Variants in MCMDC2 observed in about 807,000 individuals in gnomAD.
The protein encoded by MCMDC2 is minichromosome maintenance domain-containing protein 2.
In MCMDC2, 54 loss-of-function variants were observed where a neutral mutation model predicts 75.8. The observed-to-expected ratio is 0.71, with a 90% CI of 0.57 to 0.89. The LOEUF is 0.89. Ranked by LOEUF, MCMDC2 falls within the 40% of genes least tolerant of loss-of-function variation. MCMDC2 has a pLI of 0.00. For synonymous variants in MCMDC2, 249 were observed against 274.6 expected, an observed-to-expected ratio of 0.91 and a Z score of 0.92; for missense variants, 656 against 780.4, an observed-to-expected ratio of 0.84 and a Z score of 1.90.
chr8:66,883,713 G>T lies in MCMDC2; in HGVS notation c.836-44G>T, dbSNP rs1266449324. 2.7e-6 allele frequency: 3 copies of T among 1,108,612 alleles called. No individual in the cohort carries two copies. The African/African-American group carries it at 4.7e-5, about 17-fold the overall frequency. The allele number at this position is 1,108,612 out of a possible 1,614,324, so 68.7% of individuals were successfully genotyped here. A position where few individuals can be genotyped will look rare whatever the true frequency, so the allele number is the denominator to read the frequency against. On this transcript the variant is annotated intron_variant, in intron 8 of 14. Transcript: ENST00000422365. The stretch of plus-strand genomic sequence containing the variant: ...AGTCAAATATCTATAATGTTGTCTT[G>T]TTTTAAAACCCTTTCTAATATATAT...
At chr8:66,893,622 C>G in intron 10 of MCMDC2, among the ~76,000 whole-genome samples, 1 of 152,090 alleles carries the variant, frequency 6.6e-6, no homozygotes, top group East Asian at 1.9e-4. Context: ...GCAGGAAAGA[C>G]CTGCCCCCAT....
At chr8:66,893,614 A>T (rs1812212465) in intron 10 of MCMDC2, among the ~76,000 whole-genome samples, 1 of 152,192 alleles carries the variant, frequency 6.6e-6, no homozygotes, top group African/African-American at 2.4e-5. Flanking sequence ...AGAACAGTGC[A>T]GGAAAGACCT....
At chr8:66,903,377 T>C (rs1264586334) in intron 13 of MCMDC2, among the ~76,000 whole-genome samples, 1 of 152,150 alleles carries the variant, frequency 6.6e-6, no homozygotes, top group Non-Finnish European at 1.5e-5. Flanking sequence ...TTATTTTATA[T>C]TGCAGTTGTA....
At chr8:66,883,655 G>A in intron 8 of MCMDC2, 102 bp from the exon 9 acceptor site, 2 of 667,518 alleles carry the variant, frequency 3.0e-6, no homozygotes, top group Non-Finnish European at 5.1e-6. Flanking sequence ...GGTATTATTG[G>A]AACTATAATT....
Position 66,877,438 on chromosome 8 carries a change from G to C in MCMDC2, c.375G>C (p.Gln125His). The C allele has an allele frequency of 1.2e-6, 2 of 1,612,988 alleles. No individual in the cohort carries two copies. Among genetic ancestry groups the C allele is most frequent in the South Asian group, 2.2e-5 (2 of 90,808 alleles). The change falls in exon 5 of 15, where the codon CAG becomes CAC. Residue 125 changes from glutamine to histidine, a missense_variant. Coordinates refer to ENST00000422365, the MANE Select transcript of MCMDC2 (RefSeq NM_173518.5). ...AGTTTCCACTTGATTATACATCTCA[G>C]AGATTTTATATGATGCAAGGAATTG... ...LCEFPLDYTSQRFYMMQGIVI... is the reference protein window; with the variant it reads ...LCEFPLDYTSHRFYMMQGIVI...
chr8:66,891,113 T>C (rs1056371092), intron 10 of MCMDC2, 43 bp downstream of exon 10: 1 of 1,485,580 alleles, frequency 6.7e-7, no homozygotes, highest in Non-Finnish European at 9.2e-7. Context: ...GTTTAACCTA[T>C]ACTCTCATCC....
At chr8:66,875,906 C>T (rs1036967942) in intron 4 of MCMDC2, among the ~76,000 whole-genome samples, 6 of 152,142 alleles carry the variant, frequency 3.9e-5, no homozygotes, top group African/African-American at 1.4e-4. Flanking sequence ...TCTTATTTCC[C>T]AACCTCATAT....
intron 14 of MCMDC2, among the ~76,000 whole-genome samples, chr8:66,909,799 A>T (rs1288049323): frequency 6.6e-6 from 1 of 152,262 alleles, no homozygotes; most frequent in African/African-American, 2.4e-5. Flanking sequence ...AATTTGCATA[A>T]GTAACAAGAG....
downstream of MCMDC2, among the ~76,000 whole-genome samples, chr8:66,923,728 A>G (rs1186874999): frequency 1.3e-5 from 2 of 151,984 alleles, no homozygotes; most frequent in Non-Finnish European, 2.9e-5. Flanking sequence ...TCTCCACTAA[A>G]AATACAATAA....
chr8:66,895,934 T>G (rs1812331016), intron 10 of MCMDC2, among the ~76,000 whole-genome samples: 1 of 152,184 alleles, frequency 6.6e-6, no homozygotes, highest in South Asian at 2.1e-4. Context: ...CCAGCCACAA[T>G]TCCAGCTACG....
Position 66,905,296 on chromosome 8 carries a change from G to T in MCMDC2, c.1840G>T (p.Ala614Ser), listed in dbSNP as rs1812861622. The change falls in exon 14 of 15, where the codon GCA (alanine) becomes TCA (serine). Residue 614 changes from alanine to serine, a missense_variant. Coordinates refer to ENST00000422365, the MANE Select transcript of MCMDC2 (RefSeq NM_173518.5). ...NKVLKEDVLI[A>S]ALLFETSLTL... ...AGTGCTTAAAGAAGATGTGCTGATT[G>T]CAGCCTTACTATTTGAAACATCCCT... is the stretch of plus-strand genomic sequence containing the variant. The T allele has an allele frequency of 6.7e-7, 1 of 1,489,402 alleles. No homozygotes were observed. Among genetic ancestry groups the T allele is most frequent in the Non-Finnish European group, 9.0e-7 (1 of 1,115,480 alleles). 92.3% of individuals were successfully genotyped at this position (1,489,402 alleles called of 1,614,324 possible).
intron 14 of MCMDC2, among the ~76,000 whole-genome samples, chr8:66,917,842 A>G (rs965737215): frequency 6.6e-6 from 1 of 152,126 alleles, no homozygotes; most frequent in Admixed American, 6.5e-5. Context: ...ACCTTTGTCT[A>G]TTGTGAATTA....
Position 66,877,489 on chromosome 8 carries a change from G to C in MCMDC2, c.426G>C (p.Lys142Asn). 2.5e-6 allele frequency: 4 copies of C among 1,611,534 alleles called. No individual in the cohort carries two copies. The highest frequency in any genetic ancestry group is 3.4e-6 in the Non-Finnish European group (4 of 1,179,370). ...TGATTGCAATGACAACTATAACCAA[G>C]TATACACAAGGGGCAAGATTTCTTT... ...GIVIAMTTIT[K>N]YTQGARFLCS... is the part of the protein sequence containing the mutation. Residue 142 changes from lysine (K) to asparagine (N), a missense_variant, in exon 5 of 15, where the codon AAG becomes AAC. Transcript: ENST00000422365.
At chr8:66,902,684 T>C (rs1812721769) in intron 13 of MCMDC2, among the ~76,000 whole-genome samples, 1 of 100,910 alleles carries the variant, frequency 9.9e-6, no homozygotes, top group East Asian at 2.7e-4. Flanking sequence ...CAGAGCAAGA[T>C]TCTGTCTCAA....
At chr8:66,880,997 A>G (rs377042214) in intron 8 of MCMDC2, 23 bp downstream of exon 8, 94 of 1,398,046 alleles carry the variant, frequency 6.7e-5, no homozygotes, top group Non-Finnish European at 8.0e-5. Context: ...TTAGTATTAT[A>G]TATTAACAAA....
chr8:66,900,560 A>G (rs752390871), intron 12 of MCMDC2, among the ~76,000 whole-genome samples: 9 of 152,208 alleles, frequency 5.9e-5, no homozygotes, highest in Non-Finnish European at 1.3e-4. Flanking sequence ...AGTTATCTGA[A>G]TTGAAAAAAC....
At chr8:66,871,854 C>T (rs1197769146) in intron 1 of MCMDC2, among the ~76,000 whole-genome samples, 1 of 151,632 alleles carries the variant, frequency 6.6e-6, no homozygotes, top group East Asian at 1.9e-4. Context: ...AAGCCGAGAT[C>T]ACGCCACTGC....
intron 10 of MCMDC2, among the ~76,000 whole-genome samples, chr8:66,893,226 T>C (rs994669214): frequency 6.6e-6 from 1 of 152,136 alleles, no homozygotes. Context: ...ATGCAGAAAT[T>C]AGCTGGGCCC....
chr8:66,891,120 A>C, intron 10 of MCMDC2, 50 bp downstream of exon 10: 141 of 1,435,066 alleles, frequency 9.8e-5, no homozygotes, highest in Non-Finnish European at 1.2e-4. Flanking sequence ...CTATACTCTC[A>C]TCCATGTTGA....
Sources: allele counts gnomAD v4.1 joint callset (sites outside exome capture counted in the v4.1 genomes callset), GRCh38; gene constraint gnomAD v4.1.1; transcripts MANE v1.5; gene names NCBI Gene and HGNC (gene_info 2026-07-23, HGNC 2026-07-21).